Variants in CSMD1 observed in about 807,000 individuals in gnomAD.
The protein encoded by CSMD1 is CUB and sushi domain-containing protein 1.
CSMD1 carries 213 observed loss-of-function variants against 417.5 expected under a neutral mutation model. That is an observed-to-expected ratio of 0.51 (90% CI 0.46 to 0.57). CSMD1 has a LOEUF of 0.57. Ranked by LOEUF, CSMD1 falls within the 20% of genes least tolerant of loss-of-function variation. CSMD1 has a pLI of 0.00. For synonymous variants in CSMD1, 2,862 were observed against 1,736.8 expected, an observed-to-expected ratio of 1.65 and a Z score of -16.11; for missense variants, 6,923 against 4,529.7, an observed-to-expected ratio of 1.53 and a Z score of -15.17.
At chr8:3,408,729 G>C (rs183027140) in intron 13 of CSMD1, among the ~76,000 whole-genome samples, 52 of 152,064 alleles carry the variant, frequency 3.4e-4, no homozygotes, top group Admixed American at 7.9e-4. Flanking sequence ...ATCAGATCAT[G>C]TTCTAGTTGG....
chr8:4,755,683 C>A lies in CSMD1; in HGVS notation c.86-118125G>T, dbSNP rs529986102. ...ATGGCATTATTAGTTTTCAATAATT[C>A]GCAGTTAAAGTTTCACACAATTTTG... is the stretch of plus-strand genomic sequence containing the variant. On this transcript the variant is annotated intron_variant, in intron 1 of 69. Coordinates refer to ENST00000635120, the MANE Select transcript of CSMD1 (RefSeq NM_033225.6). Among the ~76,000 whole-genome samples the A allele has an allele frequency of 2.0e-5, 3 of 152,274 alleles. No individual in the cohort carries two copies. In the South Asian group the frequency reaches 6.2e-4, roughly 32 times the overall value.
intron 3 of CSMD1, among the ~76,000 whole-genome samples, chr8:4,077,012 A>C (rs1799855012): frequency 6.6e-6 from 1 of 152,174 alleles, no homozygotes; most frequent in Non-Finnish European, 1.5e-5. Flanking sequence ...ATAGTAAGAA[A>C]AATTGCAACT....
intron 3 of CSMD1, among the ~76,000 whole-genome samples, chr8:4,089,238 A>G (rs1452848171): frequency 6.6e-6 from 1 of 152,206 alleles, no homozygotes; most frequent in Non-Finnish European, 1.5e-5. Context: ...GACATGGGTC[A>G]TGTCCATCTG....
At chr8:3,656,734 T>A (rs1213090007) in intron 7 of CSMD1, among the ~76,000 whole-genome samples, 1 of 152,178 alleles carries the variant, frequency 6.6e-6, no homozygotes, top group Non-Finnish European at 1.5e-5. Context: ...GAGACCAGCC[T>A]GGCTAACATG....
intron 21 of CSMD1, among the ~76,000 whole-genome samples, chr8:3,353,033 A>T (rs1277563059): frequency 1.3e-5 from 2 of 152,204 alleles, no homozygotes; most frequent in Non-Finnish European, 2.9e-5. Flanking sequence ...GGAAACTATG[A>T]TTTGAACCCC....
intron 1 of CSMD1, among the ~76,000 whole-genome samples, chr8:4,772,900 G>GT (rs1245136279): frequency 6.6e-6 from 1 of 152,098 alleles, no homozygotes; most frequent in Non-Finnish European, 1.5e-5. Context: ...GATGAATAAC[G>GT]TAAGAAATTG....
At chr8:3,100,733 C>A (rs568610179) in intron 46 of CSMD1, among the ~76,000 whole-genome samples, 1 of 152,176 alleles carries the variant, frequency 6.6e-6, no homozygotes, top group Non-Finnish European at 1.5e-5. Flanking sequence ...TCTTATTCAA[C>A]GCATCTCATA....
rs576027992 is a variant in CSMD1 at position 4,637,215 on chromosome 8, C to T, written c.302+127G>A. Reference sequence around the variant, plus strand: ...TCTGTGGCTTCATTCTTGAAGTCAGCGAGGCCACGAACCCACCGGAAGGAA... The same window carrying T: ...TCTGTGGCTTCATTCTTGAAGTCAGTGAGGCCACGAACCCACCGGAAGGAA... On this transcript the variant is annotated intron_variant, in intron 2 of 69. Transcript: ENST00000635120. 50 of 385,248 alleles carry T rather than the reference C, an allele frequency of 1.3e-4. No homozygotes were observed. In the African/African-American group the frequency reaches 1.5e-3, roughly 12 times the overall value. 23.9% of individuals were successfully genotyped at this position (385,248 alleles called of 1,614,324 possible).
At chr8:3,788,743 C>A (rs994453331) in intron 5 of CSMD1, among the ~76,000 whole-genome samples, 1 of 152,164 alleles carries the variant, frequency 6.6e-6, no homozygotes, top group African/African-American at 2.4e-5. Flanking sequence ...ACTTTCACAT[C>A]CATGCAGTTG....
At chr8:3,381,906 C>G (rs13258685) in intron 18 of CSMD1, among the ~76,000 whole-genome samples, 1 of 151,900 alleles carries the variant, frequency 6.6e-6, no homozygotes, top group African/African-American at 2.4e-5. Flanking sequence ...TATATCTATA[C>G]AGTATATGCA....
chr8:4,676,634 T>C (rs888795266), intron 1 of CSMD1, among the ~76,000 whole-genome samples: 3 of 152,166 alleles, frequency 2.0e-5, no homozygotes, highest in Non-Finnish European at 4.4e-5. Context: ...CCTGCAGCAA[T>C]CTGTTTTCCA....
intron 3 of CSMD1, among the ~76,000 whole-genome samples, chr8:4,220,657 G>T (rs1800974774): frequency 6.6e-6 from 1 of 152,190 alleles, no homozygotes; most frequent in Admixed American, 6.5e-5. Context: ...ACAATTTGAA[G>T]ATGGCTTAGC....
intron 5 of CSMD1, among the ~76,000 whole-genome samples, chr8:3,849,579 G>A (rs1050375704): frequency 6.6e-6 from 1 of 152,128 alleles, no homozygotes; most frequent in Non-Finnish European, 1.5e-5. Context: ...TTCAGCTAAT[G>A]CTCCACATGG....
chr8:3,075,967 C>T (rs1391616294), intron 49 of CSMD1, among the ~76,000 whole-genome samples: 4 of 150,922 alleles, frequency 2.7e-5, no homozygotes, highest in Non-Finnish European at 4.4e-5. Flanking sequence ...AGGAGAATGG[C>T]ATGAACCTGG....
chr8:4,847,015 A>C (rs1472306090), intron 1 of CSMD1, among the ~76,000 whole-genome samples: 1 of 152,160 alleles, frequency 6.6e-6, no homozygotes, highest in Non-Finnish European at 1.5e-5. Context: ...TCAGTAGAAG[A>C]AACAACTTGT....
Position 3,701,511 on chromosome 8 carries a change from A to AATTTT in CSMD1, c.1009+6902_1009+6903insAAAAT, listed in dbSNP as rs59254287. On this transcript the variant is annotated intron_variant, in intron 7 of 69. Transcript: ENST00000635120. ...TCTTCAGGATATAGGATTAAACCTT[A>AATTTT]TTTTTTTTTTTTAGCATATTGGAAT... 1.9e-4 allele frequency among the ~76,000 whole-genome samples: 28 copies of AATTTT among 149,884 alleles called. No homozygotes were observed. The South Asian group carries it at 1.9e-3, about 10-fold the overall frequency.
chr8:4,724,204 T>A (rs1438531161), intron 1 of CSMD1, among the ~76,000 whole-genome samples: 1 of 152,124 alleles, frequency 6.6e-6, no homozygotes, highest in Non-Finnish European at 1.5e-5. Context: ...ATAATTATAG[T>A]CTCAAAACAA....
chr8:4,952,944 C>G (rs575304402), intron 1 of CSMD1, among the ~76,000 whole-genome samples: 4 of 152,084 alleles, frequency 2.6e-5, no homozygotes, highest in Non-Finnish European at 4.4e-5. Context: ...CAAGACATGG[C>G]AGTAATTGAT....
intron 17 of CSMD1, among the ~76,000 whole-genome samples, chr8:3,389,952 G>A (rs906091620): frequency 6.6e-5 from 10 of 152,150 alleles, no homozygotes; most frequent in Non-Finnish European, 1.3e-4. Flanking sequence ...GGAGAGTACA[G>A]GACGGGAGGA....
Sources: gnomAD v4.1 joint callset for allele counts (sites outside exome capture counted in the v4.1 genomes callset) on GRCh38, gnomAD v4.1.1 for gene constraint, MANE v1.5 for transcripts, NCBI Gene and HGNC (gene_info 2026-07-23, HGNC 2026-07-21) for gene names.